Variants in DDX60 observed in about 807,000 individuals in gnomAD.
DDX60 encodes the protein probable ATP-dependent RNA helicase DDX60.
In DDX60, 165 loss-of-function variants were observed where a neutral mutation model predicts 212.8. The ratio of observed to expected loss-of-function variants is 0.78; its 90% CI spans 0.68 to 0.88. DDX60 has a LOEUF of 0.88. DDX60 is among the 40% of genes least tolerant of loss of function. DDX60 has a pLI of 0.00. For missense variants in DDX60, 1,905 were observed against 2,003.9 expected, an observed-to-expected ratio of 0.95 and a Z score of 0.94; for synonymous variants, 703 against 685.3, an observed-to-expected ratio of 1.03 and a Z score of -0.40.
intron 29 of DDX60, among the ~76,000 whole-genome samples, chr4:168,247,657 A>C (rs1734067976): frequency 6.6e-6 from 1 of 151,738 alleles, no homozygotes; most frequent in Admixed American, 6.6e-5. Flanking sequence ...AATTGTACTA[A>C]TAATACAAGG....
chr4:168,265,203 C>A (rs1308791835), intron 22 of DDX60, among the ~76,000 whole-genome samples: 1 of 152,128 alleles, frequency 6.6e-6, no homozygotes, highest in Non-Finnish European at 1.5e-5. Context: ...ACTGGTCCTG[C>A]CCCCACTCCT....
upstream of DDX60, among the ~76,000 whole-genome samples, chr4:168,322,831 C>T (rs1381154320): frequency 1.3e-5 from 2 of 152,264 alleles, no homozygotes; most frequent in African/African-American, 4.8e-5. Context: ...AACTCAGGAG[C>T]AAAGTGAAAA....
chr4:168,289,526 T>A (rs527908369), intron 8 of DDX60, among the ~76,000 whole-genome samples: 1 of 152,200 alleles, frequency 6.6e-6, no homozygotes, highest in Non-Finnish European at 1.5e-5. Flanking sequence ...TAGCATAGCA[T>A]CAATTAACAT....
intron 26 of DDX60, 144 bp downstream of exon 26, chr4:168,255,567 T>G: frequency 1.6e-6 from 1 of 634,794 alleles, no homozygotes; most frequent in Non-Finnish European, 2.5e-6. Flanking sequence ...TATCCCATTC[T>G]CTCACCCAAA....
Position 168,241,912 on chromosome 4 carries a change from G to GA in DDX60, c.4165-4118dup, listed in dbSNP as rs905034047. The stretch of plus-strand genomic sequence containing the variant: ...TTTCATCACAGGCCCAGAGATTTAG[G>GA]AAAAAAAACTGGTTTCCTGGGCCAG... On this transcript the variant is annotated intron_variant, in intron 30 of 37. Coordinates refer to ENST00000393743, the MANE Select transcript of DDX60 (RefSeq NM_017631.6). Among the ~76,000 whole-genome samples the GA allele has an allele frequency of 7.9e-5, 12 of 151,846 alleles. 1 individual carries two copies. In the East Asian group the frequency reaches 1.4e-3, roughly 17 times the overall value.
rs1733625727 is a variant in DDX60 at position 168,236,233 on chromosome 4, T to G, written c.4533+19A>C. The stretch of plus-strand genomic sequence containing the variant: ...AGTGGTTTTACATTACTAAATTTTA[T>G]CAGAATCACACAGTTTACCTTTGAT... On this transcript the variant is annotated intron_variant, in intron 33 of 37. Coordinates refer to ENST00000393743, the MANE Select transcript of DDX60 (RefSeq NM_017631.6). The G allele has an allele frequency of 6.2e-7, 1 of 1,603,740 alleles. No individual in the cohort carries two copies. The highest frequency in any genetic ancestry group is 2.3e-5 in the East Asian group (1 of 44,288).
chr4:168,238,245 A>C (rs1460998968), intron 30 of DDX60, among the ~76,000 whole-genome samples: 1 of 150,230 alleles, frequency 6.7e-6, no homozygotes, highest in Non-Finnish European at 1.5e-5. Context: ...CCAAAAAAAA[A>C]AAAAAAAAAA....
At chr4:168,290,448 C>T (rs1579058067) in intron 8 of DDX60, among the ~76,000 whole-genome samples, 1 of 151,842 alleles carries the variant, frequency 6.6e-6, no homozygotes, top group African/African-American at 2.4e-5. Context: ...CCCGCCGCAG[C>T]CTCCCGAGCA....
chr4:168,269,526 G>A (rs181830411), intron 19 of DDX60, among the ~76,000 whole-genome samples: 22 of 152,114 alleles, frequency 1.4e-4, no homozygotes, highest in Admixed American at 3.3e-4. Flanking sequence ...GCGTGAACCC[G>A]GAAGGCAGAG....
At chr4:168,287,848 ATAAT>A (rs1459135332) in intron 9 of DDX60, among the ~76,000 whole-genome samples, 9 of 152,178 alleles carry the variant, frequency 5.9e-5, no homozygotes, top group Admixed American at 1.3e-4. Context: ...TAGTAGTGAA[ATAAT>A]TAAATTAATT....
In DDX60 at chr4:168,283,604, T is replaced by C. The variant is rs776318988; in HGVS notation, c.1564A>G (p.Lys522Glu). 1.1e-5 allele frequency: 17 copies of C among 1,590,306 alleles called. No individual in the cohort carries two copies. In the South Asian group the frequency reaches 2.0e-4, roughly 18 times the overall value. Reference protein sequence around the residue: ...YDRSRCQFDEKSRDPRVLRSV... With the variant: ...YDRSRCQFDEESRDPRVLRSV... The stretch of plus-strand genomic sequence containing the variant: ...CTAAGAACACGAGGGTCTCTAGATT[T>C]TTCTGAAAAAGAAAAGACTTAAAAT... The change falls in exon 13 of 38, where the codon AAA (lysine) becomes GAA (glutamate). Residue 522 changes from lysine (K) to glutamate (E), a missense_variant and splice_region_variant. By Grantham distance (56) the Lys-to-Glu change is moderately conservative. Transcript: ENST00000393743.
intron 1 of DDX60, among the ~76,000 whole-genome samples, chr4:168,313,275 A>T (rs1737220038): frequency 6.6e-6 from 1 of 152,150 alleles, no homozygotes; most frequent in Non-Finnish European, 1.5e-5. Context: ...AGATATAGAG[A>T]ATTACTTTTC....
chr4:168,286,475 A>G (rs934240866), intron 10 of DDX60, among the ~76,000 whole-genome samples: 7 of 148,682 alleles, frequency 4.7e-5, no homozygotes, highest in African/African-American at 1.7e-4. Flanking sequence ...CAAGTATATT[A>G]TGATAATAGA....
At chr4:168,230,601 T>C (rs1733417320) in intron 33 of DDX60, among the ~76,000 whole-genome samples, 1 of 152,208 alleles carries the variant, frequency 6.6e-6, no homozygotes, top group South Asian at 2.1e-4. Flanking sequence ...GGGTCAACAA[T>C]GAAATCAGGA....
At position 168,224,350 on chromosome 4, in the gene DDX60, C is replaced by T. The variant is rs960216493; in HGVS notation, c.4717G>A (p.Val1573Ile). 11 of 1,611,786 alleles carry T rather than the reference C, an allele frequency of 6.8e-6. No individual in the cohort carries two copies. Among genetic ancestry groups the T allele is most frequent in the Admixed American group, 5.0e-5 (3 of 59,828 alleles). ...TGKECEDSQL[V>I]SHLMSCKEGR... The stretch of plus-strand genomic sequence containing the variant: ...TCCTTGCAGCTCATCAAATGAGATA[C>T]GAGTTGAGAGTCTTCACATTCTTTA... The change falls in exon 35 of 38, where the codon GTA becomes ATA. Residue 1573 changes from valine (V) to isoleucine (I), a missense_variant. Transcript: ENST00000393743.
intron 19 of DDX60, among the ~76,000 whole-genome samples, chr4:168,271,298 C>T (rs479983): frequency 0.44 from 66,687 of 152,056 alleles, 15,334 homozygotes; most frequent in African/African-American, 0.6. Context: ...GAAGCTGACC[C>T]ATAGACACTT....
rs1363453669 is a variant in DDX60, at chr4:168,237,408, C to G, written c.4289G>C (p.Gly1430Ala). Residue 1430 changes from glycine (G) to alanine (A), a missense_variant, in exon 32 of 38, where the codon GGT (glycine) becomes GCT (alanine). Transcript: ENST00000393743. The stretch of plus-strand genomic sequence containing the variant: ...AAGTCCAGCAAACCCCATAGGATTA[C>G]CTTCTTGATCTAAATAGCCCTAAAG... Reference protein sequence around the residue: ...LVKEGYLDQEGNPMGFAGLVS... With the variant: ...LVKEGYLDQEANPMGFAGLVS... The G allele has an allele frequency of 1.9e-6, 3 of 1,578,760 alleles. No homozygotes were observed. In the East Asian group the frequency reaches 6.9e-5, roughly 36 times the overall value.
At chr4:168,248,087 T>C (rs1452157265) in intron 29 of DDX60, 101 bp downstream of exon 29, 16 of 712,270 alleles carry the variant, frequency 2.2e-5, no homozygotes, top group East Asian at 1.8e-4. Context: ...GTTATGCTAC[T>C]GTGAATTGTG....
At chr4:168,322,081 G>T (rs1737620241), upstream of DDX60, among the ~76,000 whole-genome samples, 1 of 152,090 alleles carries the variant, frequency 6.6e-6, no homozygotes, top group Admixed American at 6.6e-5. Flanking sequence ...GAACTGCTCT[G>T]TCAAAGATAT....
Sources: gnomAD v4.1 joint callset for allele counts (sites outside exome capture counted in the v4.1 genomes callset) on GRCh38, gnomAD v4.1.1 for gene constraint, MANE v1.5 for transcripts, NCBI Gene and HGNC (gene_info 2026-07-23, HGNC 2026-07-21) for gene names.